Variants in EBF2 observed in about 807,000 individuals in gnomAD.
The protein encoded by EBF2 is transcription factor COE2.
A neutral mutation model predicts 72.8 loss-of-function variants in EBF2; 21 were observed. The observed-to-expected ratio is 0.29, with a 90% CI of 0.20 to 0.42. EBF2 has a LOEUF of 0.42. Among genes scored for constraint, EBF2 ranks in the 10% least tolerant of loss-of-function variants. The probability of loss-of-function intolerance (pLI) is 1.00; values close to 1 mark genes in which losing one functional copy is unlikely to be tolerated. For missense variants in EBF2, 637 were observed against 731.2 expected (o/e 0.87, Z 1.49); for synonymous variants, 299 against 274.2 (o/e 1.09, Z -0.89).
chr8:25,969,748 A>C (rs956877753), intron 6 of EBF2, among the ~76,000 whole-genome samples: 1 of 152,188 alleles, frequency 6.6e-6, no homozygotes, highest in Non-Finnish European at 1.5e-5. Context: ...CTTATCACCC[A>C]GGCTGGAGGG....
At chr8:26,005,579 G>GAGAGAGAGAGAT (rs71216409) in intron 6 of EBF2, among the ~76,000 whole-genome samples, 1 of 63,780 alleles carries the variant, frequency 1.6e-5, no homozygotes, top group Non-Finnish European at 2.9e-5. Context: ...GAGAGAGAGA[G>GAGAGAGAGAGAT]GTATTTTGGG....
At chr8:25,864,242 C>G (rs556957593) in intron 10 of EBF2, among the ~76,000 whole-genome samples, 1 of 152,158 alleles carries the variant, frequency 6.6e-6, no homozygotes, top group Admixed American at 6.5e-5. Context: ...TCCAGCAATG[C>G]GTGTGCTCAT....
chr8:25,963,220 C>G (rs935502615), intron 6 of EBF2, among the ~76,000 whole-genome samples: 1 of 152,190 alleles, frequency 6.6e-6, no homozygotes, highest in African/African-American at 2.4e-5. Flanking sequence ...CTTGGCTTAG[C>G]CAAGGCACAG....
At chr8:26,042,346 T>A in intron 1 of EBF2, 95 bp from the exon 2 acceptor site, 1 of 1,432,264 alleles carries the variant, frequency 7.0e-7, no homozygotes, top group South Asian at 1.4e-5. Flanking sequence ...GGGTAAGGGG[T>A]CCACTTCCCA....
intron 6 of EBF2, among the ~76,000 whole-genome samples, chr8:25,909,168 A>G (rs1803086729): frequency 6.6e-6 from 1 of 152,228 alleles, no homozygotes; most frequent in Non-Finnish European, 1.5e-5. Context: ...AGAAACATGA[A>G]AGCACAGAAT....
At chr8:25,965,733 C>T (rs1804103881) in intron 6 of EBF2, among the ~76,000 whole-genome samples, 2 of 152,172 alleles carry the variant, frequency 1.3e-5, no homozygotes, top group African/African-American at 4.8e-5. Context: ...ACATGCCTCA[C>T]CCATGAACTC....
At chr8:25,930,175 C>A (rs1026451654) in intron 6 of EBF2, among the ~76,000 whole-genome samples, 2 of 152,130 alleles carry the variant, frequency 1.3e-5, no homozygotes, top group African/African-American at 4.8e-5. Flanking sequence ...CATCCAGAAT[C>A]AGGTATACTT....
chr8:25,892,125 T>C (rs1034778221), intron 7 of EBF2, among the ~76,000 whole-genome samples: 2 of 152,180 alleles, frequency 1.3e-5, no homozygotes, highest in African/African-American at 4.8e-5. Context: ...TATATTATGC[T>C]TTTTCCTATA....
chr8:25,967,097 G>T (rs943193440), intron 6 of EBF2, among the ~76,000 whole-genome samples: 3 of 152,204 alleles, frequency 2.0e-5, no homozygotes, highest in African/African-American at 7.2e-5. Flanking sequence ...ATGCAGATGG[G>T]TCTATGTATT....
rs557277984 is a variant in EBF2, at chr8:25,843,951, C to T, written c.*658G>A. Reference sequence around the variant, plus strand: ...CATTTTACATCAGGAAGAGAAATCCCTCTCTCTTCCAAAAAAAGGTCTTAA... The same window carrying T: ...CATTTTACATCAGGAAGAGAAATCCTTCTCTCTTCCAAAAAAAGGTCTTAA... On this transcript the variant is annotated 3_prime_UTR_variant, in exon 16 of 16. Transcript: ENST00000520164. 6.6e-6 allele frequency: 1 copy of T among 152,204 alleles called. No homozygotes were observed. The highest frequency in any genetic ancestry group is 2.4e-5 in the African/African-American group (1 of 41,532). 9.4% of individuals were successfully genotyped at this position (152,204 alleles called of 1,614,324 possible). A position where few individuals can be genotyped will look rare whatever the true frequency, so the allele number is the denominator to read the frequency against.
intron 6 of EBF2, among the ~76,000 whole-genome samples, chr8:25,913,319 T>C (rs1340760461): frequency 6.6e-6 from 1 of 151,972 alleles, no homozygotes; most frequent in African/African-American, 2.4e-5. Flanking sequence ...CATGCACCTG[T>C]AGTCCCAGCT....
At chr8:26,032,531 C>T (rs1805426713) in intron 6 of EBF2, 1 of 152,082 alleles carries the variant, frequency 6.6e-6, no homozygotes, top group African/African-American at 2.4e-5. Context: ...GCTGAGGATG[C>T]CTAAATCACA....
intron 6 of EBF2, among the ~76,000 whole-genome samples, chr8:25,960,107 C>T (rs1315897949): frequency 3.3e-5 from 5 of 152,152 alleles, no homozygotes; most frequent in Admixed American, 1.3e-4. Flanking sequence ...CTTCACTGGC[C>T]ACCCAGAGAA....
intron 14 of EBF2, 109 bp from the exon 15 acceptor site, chr8:25,850,870 T>A: frequency 7.7e-7 from 1 of 1,291,010 alleles, no homozygotes. Flanking sequence ...TTGTTCCAGA[T>A]TGCAGGGATT....
chr8:25,899,118 A>C (rs1031484222), intron 7 of EBF2, among the ~76,000 whole-genome samples: 1 of 152,094 alleles, frequency 6.6e-6, no homozygotes, highest in African/African-American at 2.4e-5. Flanking sequence ...CAAGACACCA[A>C]AATTTAGGGG....
chr8:25,904,533 A>G (rs1025252054), intron 7 of EBF2, among the ~76,000 whole-genome samples: 2 of 152,158 alleles, frequency 1.3e-5, no homozygotes, highest in Non-Finnish European at 2.9e-5. Context: ...TCACGAAAGA[A>G]TCCTTCATAT....
At chr8:25,949,712 A>G (rs2117167171) in intron 6 of EBF2, among the ~76,000 whole-genome samples, 1 of 152,306 alleles carries the variant, frequency 6.6e-6, no homozygotes, top group Non-Finnish European at 1.5e-5. Flanking sequence ...AAAAAATAGT[A>G]TTGAAAGTTG....
chr8:25,921,403 G>A (rs1803304161), intron 6 of EBF2, among the ~76,000 whole-genome samples: 1 of 152,086 alleles, frequency 6.6e-6, no homozygotes, highest in South Asian at 2.1e-4. Context: ...TGATACAAAA[G>A]GCATTCAGAT....
At chr8:25,857,534 A>C (rs1301994726) in intron 14 of EBF2, among the ~76,000 whole-genome samples, 1 of 152,154 alleles carries the variant, frequency 6.6e-6, no homozygotes, top group African/African-American at 2.4e-5. Context: ...TCTCCATGTC[A>C]GCTTGTCCCC....
Sources: allele counts gnomAD v4.1 joint callset (sites outside exome capture counted in the v4.1 genomes callset), GRCh38; gene constraint gnomAD v4.1.1; transcripts MANE v1.5; gene names NCBI Gene and HGNC (gene_info 2026-07-23, HGNC 2026-07-21).